Variants in ACOT12 observed in about 807,000 individuals in gnomAD.
ACOT12 encodes acyl-CoA thioesterase 12.
Under a neutral mutation model 67.7 loss-of-function variants are expected in ACOT12, and 51 were observed. The ratio of observed to expected loss-of-function variants is 0.75; its 90% CI spans 0.60 to 0.95. The LOEUF is 0.95. Ranked by LOEUF, ACOT12 falls within the 40% of genes least tolerant of loss-of-function variation. The pLI, the probability that ACOT12 is intolerant of heterozygous loss-of-function variation, is 0.00. For synonymous variants in ACOT12, 251 were observed against 244.6 expected (o/e 1.03, Z -0.24); for missense variants, 734 against 708.1 (o/e 1.04, Z -0.41).
intron 1 of ACOT12, among the ~76,000 whole-genome samples, chr5:81,386,991 T>C (rs574801277): frequency 1.5e-3 from 215 of 138,892 alleles, no homozygotes; most frequent in African/African-American, 5.6e-3. Context: ...GTTGGATGAG[T>C]TCCATTTTTT....
At chr5:81,333,499 A>G (rs1446981663) in intron 12 of ACOT12, among the ~76,000 whole-genome samples, 1 of 152,266 alleles carries the variant, frequency 6.6e-6, no homozygotes, top group Non-Finnish European at 1.5e-5. Flanking sequence ...TACCTGAATC[A>G]TAGTACATGT....
intron 2 of ACOT12, among the ~76,000 whole-genome samples, chr5:81,374,214 C>A (rs1329373199): frequency 6.6e-6 from 1 of 152,146 alleles, no homozygotes; most frequent in African/African-American, 2.4e-5. Context: ...GAGTGGGCCT[C>A]CAGCAAACTC....
At chr5:81,370,797 A>C (rs1413196506) in intron 3 of ACOT12, among the ~76,000 whole-genome samples, 1 of 152,180 alleles carries the variant, frequency 6.6e-6, no homozygotes, top group East Asian at 1.9e-4. Context: ...AGCCCTAACA[A>C]ATGAATACAA....
At chr5:81,374,572 G>A (rs555972664) in intron 2 of ACOT12, among the ~76,000 whole-genome samples, 5 of 152,250 alleles carry the variant, frequency 3.3e-5, no homozygotes, top group African/African-American at 1.2e-4. Flanking sequence ...CTAACCCAAT[G>A]AAAGGAAGCT....
At chr5:81,381,423 C>T (rs1461491107) in intron 2 of ACOT12, among the ~76,000 whole-genome samples, 2 of 152,102 alleles carry the variant, frequency 1.3e-5, no homozygotes, top group Admixed American at 6.6e-5. Flanking sequence ...CTATGCAGCA[C>T]ATAACTGCAT....
the ACOT12 span, among the ~76,000 whole-genome samples, chr5:81,315,912 T>C: frequency 6.6e-6 from 1 of 152,230 alleles, no homozygotes; most frequent in Non-Finnish European, 1.5e-5. Context: ...TTCTACCATA[T>C]TAAGTTATTT....
chr5:81,391,622 A>G (rs1289224810), intron 1 of ACOT12, among the ~76,000 whole-genome samples: 3 of 152,250 alleles, frequency 2.0e-5, no homozygotes, highest in African/African-American at 4.8e-5. Flanking sequence ...AACATATGAC[A>G]TGATCAATCA....
chr5:81,363,730 C>T, intron 4 of ACOT12, 58 bp downstream of exon 4: 1 of 1,275,990 alleles, frequency 7.8e-7, no homozygotes, highest in Non-Finnish European at 1.1e-6. Flanking sequence ...CATTCTGATG[C>T]AATTGTTACT....
At chr5:81,347,962 G>C in intron 5 of ACOT12, 32 bp from the exon 6 acceptor site, 1 of 1,602,202 alleles carries the variant, frequency 6.2e-7, no homozygotes, top group Non-Finnish European at 8.5e-7. Context: ...TAATGATGGT[G>C]GAGTGAACCA....
chr5:81,331,271 C>T (rs529520157), intron 13 of ACOT12, among the ~76,000 whole-genome samples: 2 of 152,364 alleles, frequency 1.3e-5, no homozygotes, highest in African/African-American at 2.4e-5. Flanking sequence ...GGTGCAGTGG[C>T]TCACGCCTGT....
intron 4 of ACOT12, among the ~76,000 whole-genome samples, chr5:81,360,659 C>A (rs1759876692): frequency 6.6e-6 from 1 of 152,162 alleles, no homozygotes; most frequent in African/African-American, 2.4e-5. Flanking sequence ...TTTGCTGACC[C>A]TGTGTGTAGA....
intron 5 of ACOT12, among the ~76,000 whole-genome samples, chr5:81,359,576 G>T (rs1319301063): frequency 6.6e-6 from 1 of 152,198 alleles, no homozygotes; most frequent in Non-Finnish European, 1.5e-5. Flanking sequence ...AAGCCACGAA[G>T]CACCGTGTCA....
chr5:81,349,541 C>G (rs112554434), intron 5 of ACOT12, among the ~76,000 whole-genome samples: 1 of 152,120 alleles, frequency 6.6e-6, no homozygotes, highest in Non-Finnish European at 1.5e-5. Context: ...TGTGGCCCCC[C>G]CTTGGTCATT....
intron 12 of ACOT12, among the ~76,000 whole-genome samples, chr5:81,334,257 C>T (rs1250372391): frequency 1.3e-5 from 2 of 152,172 alleles, no homozygotes; most frequent in South Asian, 2.1e-4. Context: ...TCTGTTCTTG[C>T]AATAAGGCAG....
chr5:81,342,751 G>A lies in ACOT12; in HGVS notation c.1049C>T (p.Ser350Phe), dbSNP rs761776274. The stretch of plus-strand genomic sequence containing the variant: ...GGCCTCCACATTGCTGTCACTCAGG[G>A]ATGCCTAGAATAGAAATATTATATT... ...CIHWDISKQA[S>F]LSDSNVEALK... Residue 350 changes from serine to phenylalanine, a missense_variant, in exon 11 of 15, where the codon TCC becomes TTC. By Grantham distance (155) the Ser-to-Phe change is radical. Coordinates refer to ENST00000307624, the MANE Select transcript of ACOT12 (RefSeq NM_130767.3). 12 of 1,613,962 alleles carry A rather than the reference G, an allele frequency of 7.4e-6. No individual in the cohort carries two copies. Among genetic ancestry groups the A allele is most frequent in the Non-Finnish European group, 1.0e-5 (12 of 1,179,866 alleles).
chr5:81,359,970 T>C lies in ACOT12; in HGVS notation c.429A>G (p.Arg143=). 6.2e-7 allele frequency: 1 copy of C among 1,612,874 alleles called. No individual in the cohort carries two copies. Among genetic ancestry groups the C allele is most frequent in the Non-Finnish European group, 8.5e-7 (1 of 1,179,710 alleles). ...DHVEHNLAAE[R]RKVRLQHEDT... is the part of the protein sequence containing the mutation. ...CTTCATGTTGTAATCGAACTTTCCT[T>C]CTCTCAGCAGCCAGATTATGTTCCA... Residue 143 remains arginine (R), a synonymous_variant, in exon 5 of 15, where the codon AGA becomes AGG. Coordinates refer to ENST00000307624, the MANE Select transcript of ACOT12 (RefSeq NM_130767.3).
intron 6 of ACOT12, among the ~76,000 whole-genome samples, 164 bp from the exon 7 acceptor site, chr5:81,346,168 T>C (rs1339439955): frequency 6.6e-6 from 1 of 152,262 alleles, no homozygotes; most frequent in Non-Finnish European, 1.5e-5. Flanking sequence ...GCCAATATTT[T>C]GGGAAATACC....
chr5:81,357,139 C>T (rs1225389511), intron 5 of ACOT12, among the ~76,000 whole-genome samples: 1 of 152,134 alleles, frequency 6.6e-6, no homozygotes, highest in Non-Finnish European at 1.5e-5. Context: ...CAATTCCTCG[C>T]CTTCCCAACT....
intron 3 of ACOT12, 68 bp from the exon 4 acceptor site, chr5:81,363,957 C>A: frequency 1.0e-6 from 1 of 1,003,308 alleles, no homozygotes; most frequent in South Asian, 2.2e-5. Flanking sequence ...AAAATTTAGT[C>A]ATATGTATGC....
Sources: gnomAD v4.1 joint callset for allele counts (sites outside exome capture counted in the v4.1 genomes callset) on GRCh38, gnomAD v4.1.1 for gene constraint, MANE v1.5 for transcripts, NCBI Gene and HGNC (gene_info 2026-07-23, HGNC 2026-07-21) for gene names.